Variants in SGCZ observed in about 807,000 individuals in gnomAD.
The protein encoded by SGCZ is zeta-sarcoglycan.
Under a neutral mutation model 41.3 loss-of-function variants are expected in SGCZ, and 40 were observed. The observed-to-expected ratio is 0.97, with a 90% CI of 0.75 to 1.26. SGCZ has a LOEUF of 1.26. Ranked by LOEUF, SGCZ falls within the 50% of genes most tolerant of loss-of-function variation. The pLI, the probability that SGCZ is intolerant of heterozygous loss-of-function variation, is 0.00. For synonymous variants in SGCZ, 206 were observed against 137.5 expected (o/e 1.50, Z -3.49); for missense variants, 552 against 369.8 (o/e 1.49, Z -4.04).
chr8:14,976,017 C>A (rs867581466), intron 1 of SGCZ, among the ~76,000 whole-genome samples: 1 of 111,740 alleles, frequency 8.9e-6, no homozygotes, highest in Non-Finnish European at 2.0e-5. Flanking sequence ...TATATATATA[C>A]ACATATATAT....
Position 14,090,519 on chromosome 8 carries a change from T to C in SGCZ, c.863A>G (p.Asn288Ser), listed in dbSNP as rs750754361. ...TGCTGGAGAAAGGTAAAGTTTGCCA[T>C]TGGGGCAGACGCAGAGTTCATACAC... is the stretch of plus-strand genomic sequence containing the variant. ...QTVYELCVCP[N>S]GKLYLSPAGV... The change falls in exon 8 of 8, where the codon AAT (asparagine) becomes AGT (serine). Residue 288 changes from asparagine to serine, a missense_variant. Coordinates refer to ENST00000382080, the MANE Select transcript of SGCZ (RefSeq NM_139167.4). 3.7e-6 allele frequency: 6 copies of C among 1,612,946 alleles called. No individual in the cohort carries two copies. The highest frequency in any genetic ancestry group is 2.2e-5 in the East Asian group (1 of 44,846).
chr8:14,845,493 G>A (rs1042210108), intron 1 of SGCZ, among the ~76,000 whole-genome samples: 1 of 152,124 alleles, frequency 6.6e-6, no homozygotes, highest in Non-Finnish European at 1.5e-5. Flanking sequence ...CACATAATAA[G>A]CAGGAAAAGA....
intron 1 of SGCZ, among the ~76,000 whole-genome samples, chr8:15,169,703 T>C (rs1393169993): frequency 6.6e-6 from 1 of 152,220 alleles, no homozygotes; most frequent in African/African-American, 2.4e-5. Context: ...TGCACACTGC[T>C]CATTTCCTGT....
intron 1 of SGCZ, among the ~76,000 whole-genome samples, chr8:14,566,045 G>A (rs531523596): frequency 2.6e-5 from 4 of 152,052 alleles, no homozygotes; most frequent in African/African-American, 4.8e-5. Context: ...CTCACTTATG[G>A]AGATGAAAGG....
At chr8:14,297,827 C>T (rs1002324705) in intron 3 of SGCZ, among the ~76,000 whole-genome samples, 8 of 151,796 alleles carry the variant, frequency 5.3e-5, no homozygotes, top group Non-Finnish European at 8.8e-5. Flanking sequence ...TGTTGGGAAA[C>T]TATTTCAAAC....
chr8:15,205,451 C>A (rs1184080707), intron 1 of SGCZ, among the ~76,000 whole-genome samples: 6 of 152,018 alleles, frequency 3.9e-5, no homozygotes, highest in Non-Finnish European at 7.4e-5. Flanking sequence ...AGGACATGAA[C>A]AGACACCTAC....
chr8:14,521,501 G>A (rs749259478), intron 2 of SGCZ, among the ~76,000 whole-genome samples: 1 of 151,972 alleles, frequency 6.6e-6, no homozygotes, highest in East Asian at 1.9e-4. Context: ...CCCTTTTACT[G>A]CTGATTCATA....
intron 1 of SGCZ, among the ~76,000 whole-genome samples, chr8:15,013,314 G>T (rs751561879): frequency 1.3e-5 from 2 of 152,070 alleles, no homozygotes; most frequent in South Asian, 4.1e-4. Context: ...AAAATAAAAT[G>T]ACCTGGATAA....
chr8:14,800,118 T>C (rs1801272680), intron 1 of SGCZ, among the ~76,000 whole-genome samples: 1 of 151,624 alleles, frequency 6.6e-6, no homozygotes, highest in African/African-American at 2.4e-5. Context: ...TGAACCAGCA[T>C]CTACACTTTT....
At chr8:15,202,626 C>T (rs10105174) in intron 1 of SGCZ, among the ~76,000 whole-genome samples, 59,030 of 151,788 alleles carry the variant, frequency 0.39, 11,675 homozygotes, top group East Asian at 0.54. Flanking sequence ...CCAAACACAA[C>T]CTGTTCCCCA....
chr8:14,766,235 C>T (rs1239271578), intron 1 of SGCZ, among the ~76,000 whole-genome samples: 4 of 152,240 alleles, frequency 2.6e-5, no homozygotes, highest in African/African-American at 9.6e-5. Context: ...GCTGTGATTA[C>T]AGGCATGAGG....
At chr8:15,042,826 T>C (rs925223875) in intron 1 of SGCZ, among the ~76,000 whole-genome samples, 6 of 152,182 alleles carry the variant, frequency 3.9e-5, no homozygotes, top group African/African-American at 1.4e-4. Context: ...TTTCGCTCGG[T>C]CAAACCCAGG....
At chr8:14,122,533 C>G (rs964684082) in intron 5 of SGCZ, among the ~76,000 whole-genome samples, 2 of 152,134 alleles carry the variant, frequency 1.3e-5, no homozygotes, top group Admixed American at 6.5e-5. Context: ...AGGGAATTAT[C>G]TAATAAACTA....
intron 4 of SGCZ, among the ~76,000 whole-genome samples, chr8:14,218,689 G>A (rs916153730): frequency 6.6e-6 from 1 of 152,104 alleles, no homozygotes; most frequent in African/African-American, 2.4e-5. Context: ...TTAGATTATG[G>A]AAATGATGTT....
chr8:14,575,722 C>T (rs1218502494), intron 1 of SGCZ, among the ~76,000 whole-genome samples: 1 of 151,918 alleles, frequency 6.6e-6, no homozygotes, highest in Non-Finnish European at 1.5e-5. Flanking sequence ...GCCTGACCAA[C>T]ATGGTGAAAC....
rs116862983 is a variant in SGCZ, at chr8:14,317,173, C to T, written c.336+6930G>A. On this transcript the variant is annotated intron_variant, in intron 3 of 7. Coordinates refer to ENST00000382080, the MANE Select transcript of SGCZ (RefSeq NM_139167.4). ...GCTAACACATGTAAAACATTTAGCG[C>T]AATGTTTGGCTGGGAATAAAAATAA... is the stretch of plus-strand genomic sequence containing the variant. Among the ~76,000 whole-genome samples the T allele has an allele frequency of 1.2e-3, 179 of 152,056 alleles. 6 individuals are homozygous for T. In the East Asian group the frequency reaches 0.032, roughly 28 times the overall value.
Position 15,208,006 on chromosome 8 carries a change from T to A in SGCZ, c.39+29579A>T, listed in dbSNP as rs191519242. ...AGCCTGCTTTCAGATTTCTCCAAAA[T>A]CTTAGAAACACTGAATGTAAATTTC... On this transcript the variant is annotated intron_variant, in intron 1 of 7. Coordinates refer to ENST00000382080, the MANE Select transcript of SGCZ (RefSeq NM_139167.4). Among the ~76,000 whole-genome samples, 43 of 152,334 alleles carry A rather than the reference T, an allele frequency of 2.8e-4. No homozygotes were observed. In the East Asian group the frequency reaches 5.8e-3, roughly 21 times the overall value.
In SGCZ at chr8:14,617,014, A is replaced by G. The variant is rs1228063854; in HGVS notation, c.40-62088T>C. Among the ~76,000 whole-genome samples the G allele has an allele frequency of 8.5e-5, 13 of 152,088 alleles. No individual in the cohort carries two copies. The East Asian group carries it at 2.3e-3, about 27-fold the overall frequency. ...AATATAATTTGATGTATTTGTAGTAAGAAAAAAGGGGTAATTCAGATATTA... is the reference window on the plus strand; with the variant it reads ...AATATAATTTGATGTATTTGTAGTAGGAAAAAAGGGGTAATTCAGATATTA... On this transcript the variant is annotated intron_variant, in intron 1 of 7. Coordinates refer to ENST00000382080, the MANE Select transcript of SGCZ (RefSeq NM_139167.4).
chr8:14,377,511 A>G (rs1563289783), intron 2 of SGCZ, among the ~76,000 whole-genome samples: 1 of 151,030 alleles, frequency 6.6e-6, no homozygotes, highest in Non-Finnish European at 1.5e-5. Context: ...TATTATTTTT[A>G]TTTTTTTTGT....
Sources: allele counts gnomAD v4.1 joint callset (sites outside exome capture counted in the v4.1 genomes callset), GRCh38; gene constraint gnomAD v4.1.1; transcripts MANE v1.5; gene names NCBI Gene and HGNC (gene_info 2026-07-23, HGNC 2026-07-21).